BDP1: variants seen among roughly 807,000 people sequenced by gnomAD.
BDP1 encodes transcription factor TFIIIB component B'' homolog.
In BDP1, 169 loss-of-function variants were observed where a neutral mutation model predicts 266.6. That is an observed-to-expected ratio of 0.63 (90% confidence interval 0.56 to 0.72). BDP1 has a LOEUF of 0.72. Among genes scored for constraint, BDP1 ranks in the 30% least tolerant of loss-of-function variants. The pLI is 0.00. For missense variants in BDP1, 3,015 were observed against 3,053.8 expected, an observed-to-expected ratio of 0.99 and a Z score of 0.30; for synonymous variants, 1,090 against 1,022.4, an observed-to-expected ratio of 1.07 and a Z score of -1.26.
At chr5:71,464,429 A>G (rs1053815290) in intron 4 of BDP1, among the ~76,000 whole-genome samples, 4 of 152,160 alleles carry the variant, frequency 2.6e-5, no homozygotes, top group Non-Finnish European at 5.9e-5. Context: ...CACATGTTCA[A>G]GGCTGTAGTG....
chr5:71,485,167 A>C (rs1381665157), intron 8 of BDP1, among the ~76,000 whole-genome samples: 2 of 152,310 alleles, frequency 1.3e-5, no homozygotes, highest in East Asian at 3.9e-4. Flanking sequence ...GATCTTAAAC[A>C]GGATACAGTG....
intron 13 of BDP1, among the ~76,000 whole-genome samples, chr5:71,498,756 C>G (rs1385841406): frequency 1.3e-5 from 2 of 149,274 alleles, no homozygotes; most frequent in Admixed American, 6.7e-5. Flanking sequence ...TAGGATCTCG[C>G]CCAGTCGCCC....
Position 71,522,771 on chromosome 5 carries a change from C to T in BDP1, c.5209C>T (p.Leu1737=). ...TAAATTTAAGGAAAAAGCTGAGCTT[C>T]TGACATCTCTGGAGGTTTCAGCAAG... ...QLLLKEKAEL[L]TSLEVSARKD... Residue 1737 remains leucine (L), a synonymous_variant, in exon 24 of 39, where the codon CTG becomes TTG. Coordinates refer to ENST00000358731, the MANE Select transcript of BDP1 (RefSeq NM_018429.3). The T allele has an allele frequency of 1.3e-6, 2 of 1,590,486 alleles. No homozygotes were observed. The highest frequency in any genetic ancestry group is 2.3e-5 in the South Asian group (2 of 85,518).
rs1191559730 is a variant in BDP1, at chr5:71,516,091, A to G, written c.4680A>G (p.Glu1560=). 1.2e-6 allele frequency: 2 copies of G among 1,610,086 alleles called. No homozygotes were observed. The highest frequency in any genetic ancestry group is 1.7e-6 in the Non-Finnish European group (2 of 1,177,892). Residue 1560 remains glutamate, a synonymous_variant, in exon 21 of 39, where the codon GAA becomes GAG. Coordinates refer to ENST00000358731, the MANE Select transcript of BDP1 (RefSeq NM_018429.3). The part of the protein sequence containing the change: ...GTNNVNTFQQ[E]MKESVIQTAR... ...ATAATGTAAACACTTTCCAGCAAGAAATGAAGGAAAGTGTTATCCAAACTG... is the reference window on the plus strand; with the variant it reads ...ATAATGTAAACACTTTCCAGCAAGAGATGAAGGAAAGTGTTATCCAAACTG...
intron 7 of BDP1, among the ~76,000 whole-genome samples, chr5:71,475,184 G>T (rs1211808164): frequency 1.3e-5 from 2 of 152,084 alleles, no homozygotes; most frequent in African/African-American, 4.8e-5. Flanking sequence ...CTGGCTCACT[G>T]CAGCCTCTTA....
chr5:71,555,662 C>T (rs1029028054), intron 35 of BDP1, among the ~76,000 whole-genome samples: 5 of 152,056 alleles, frequency 3.3e-5, no homozygotes, highest in African/African-American at 4.8e-5. Flanking sequence ...TGGTCTCGAA[C>T]TCCGGACCTC....
At chr5:71,517,275 A>G (rs913479806) in intron 21 of BDP1, 47 bp from the exon 22 acceptor site, 2 of 1,414,328 alleles carry the variant, frequency 1.4e-6, no homozygotes, top group Admixed American at 4.4e-5. Flanking sequence ...TTTAAGAGGT[A>G]TATTCTGCTA....
rs34331239 is a variant in BDP1, at chr5:71,522,502, CA to C, written c.5193+28del. ...AGCTCCTTCTAAAAGTAAGTTTGGGCAAAAAAAAAAAAAAAATTTTTTTTCT... is the reference window on the plus strand; with the variant it reads ...AGCTCCTTCTAAAAGTAAGTTTGGGCAAAAAAAAAAAAAAATTTTTTTTCT... On this transcript the variant is annotated intron_variant, in intron 23 of 38. Coordinates refer to ENST00000358731, the MANE Select transcript of BDP1 (RefSeq NM_018429.3). 0.099 allele frequency: 133,286 copies of C among 1,343,634 alleles called. No homozygotes were observed. The highest frequency in any genetic ancestry group is 0.15 in the Admixed American group (6,041 of 39,488). The allele number at this position is 1,343,634 out of a possible 1,614,324, so 83.2% of individuals were successfully genotyped here.
Position 71,489,488 on chromosome 5 carries a change from A to T in BDP1, c.1298A>T (p.Lys433Met), listed in dbSNP as rs1339845123. The change falls in exon 10 of 39, where the codon AAG becomes ATG. Residue 433 changes from lysine to methionine, a missense_variant. Transcript: ENST00000358731. ...ATTTCAGACACGGAAAGATCTCAGAAGGATGCTCAGACAGTTGAAGAAGAG... is the reference window on the plus strand; with the variant it reads ...ATTTCAGACACGGAAAGATCTCAGATGGATGCTCAGACAGTTGAAGAAGAG... ...SRISDTERSQ[K>M]DAQTVEEESL... is the part of the protein sequence containing the mutation. 1.2e-6 allele frequency: 2 copies of T among 1,614,140 alleles called. No homozygotes were observed. Among genetic ancestry groups the T allele is most frequent in the Admixed American group, 1.7e-5 (1 of 60,016 alleles).
intron 8 of BDP1, among the ~76,000 whole-genome samples, chr5:71,484,746 A>AT (rs1344915682): frequency 7.9e-5 from 12 of 152,032 alleles, no homozygotes; most frequent in Admixed American, 6.6e-4. Flanking sequence ...ACAGGAATAT[A>AT]TTTTTTGTGG....
rs1764454070 is a variant in BDP1, at chr5:71,504,470, G to T, written c.2242-151G>T. On this transcript the variant is annotated intron_variant, in intron 15 of 38. Transcript: ENST00000358731. ...GTAACTCATGAAATTTTCTAAGATA[G>T]CTAAAGAAAAAACATTAAAAGTATT... 9 of 680,146 alleles carry T rather than the reference G, an allele frequency of 1.3e-5. No homozygotes were observed. In the Middle Eastern group the frequency reaches 1.3e-3, roughly 96 times the overall value. 42.1% of individuals were successfully genotyped at this position (680,146 alleles called of 1,614,324 possible).
intron 6 of BDP1, among the ~76,000 whole-genome samples, chr5:71,467,986 G>A (rs1357225027): frequency 6.6e-6 from 1 of 151,986 alleles, no homozygotes. Flanking sequence ...CACTACAGGC[G>A]TGTGCCACCA....
intron 19 of BDP1, 74 bp downstream of exon 19, chr5:71,513,481 A>C: frequency 1.2e-6 from 1 of 849,302 alleles, no homozygotes; most frequent in Non-Finnish European, 1.8e-6. Flanking sequence ...TACTAAAAGC[A>C]CCTGGCATTA....
intron 2 of BDP1, 25 bp downstream of exon 2, chr5:71,458,880 G>A: frequency 6.3e-7 from 1 of 1,586,398 alleles, no homozygotes. Flanking sequence ...TCAGGATTTT[G>A]ATGTTGCCTT....
intron 7 of BDP1, among the ~76,000 whole-genome samples, chr5:71,480,175 G>A (rs1762859071): frequency 6.8e-6 from 1 of 147,038 alleles, no homozygotes; most frequent in African/African-American, 2.5e-5. Context: ...CAGTGGTGCT[G>A]TCTCAACTCA....
intron 6 of BDP1, among the ~76,000 whole-genome samples, chr5:71,468,607 CTT>C (rs11376926): frequency 1.0e-4 from 14 of 134,770 alleles, no homozygotes; most frequent in African/African-American, 5.5e-5. Flanking sequence ...ACAATATTTC[CTT>C]TTTTTTTTTT....
At chr5:71,541,785 T>C (rs1766985185) in intron 29 of BDP1, 103 bp downstream of exon 29, 2 of 745,758 alleles carry the variant, frequency 2.7e-6, no homozygotes, top group Non-Finnish European at 4.2e-6. Flanking sequence ...TGCTAATTTC[T>C]TACCCTTTAA....
intron 11 of BDP1, 160 bp from the exon 12 acceptor site, chr5:71,495,090 A>T (rs1388381775): frequency 2.4e-6 from 1 of 425,192 alleles, no homozygotes; most frequent in Non-Finnish European, 4.0e-6. Context: ...ATGATGCAAG[A>T]TGGATCATAG....
At chr5:71,576,792 A>G in the BDP1 span, among the ~76,000 whole-genome samples, 1 of 152,204 alleles carries the variant, frequency 6.6e-6, no homozygotes, top group Non-Finnish European at 1.5e-5. Context: ...ATTGCTTGGC[A>G]TGGAGCAGGC....
Sources: allele counts gnomAD v4.1 joint callset (sites outside exome capture counted in the v4.1 genomes callset), GRCh38; gene constraint gnomAD v4.1.1; transcripts MANE v1.5; gene names NCBI Gene and HGNC (gene_info 2026-07-23, HGNC 2026-07-21).